AUTS2: variants seen among roughly 807,000 people sequenced by gnomAD.
AUTS2 encodes autism susceptibility gene 2 protein.
A neutral mutation model predicts 112.4 loss-of-function variants in AUTS2; 17 were observed. The ratio of observed to expected loss-of-function variants is 0.15; its 90% CI spans 0.10 to 0.23. AUTS2 has a LOEUF of 0.23. AUTS2 is among the 10% of genes least tolerant of loss of function. The pLI, the probability that AUTS2 is intolerant of heterozygous loss-of-function variation, is 1.00. For synonymous variants in AUTS2, 751 were observed against 702.7 expected (o/e 1.07, Z -1.09); for missense variants, 1,510 against 1,701.6 (o/e 0.89, Z 1.98).
intron 5 of AUTS2, among the ~76,000 whole-genome samples, chr7:70,533,393 C>T (rs937851973): frequency 2.6e-5 from 4 of 152,152 alleles, no homozygotes; most frequent in East Asian, 1.9e-4. Flanking sequence ...GGATTATAGG[C>T]GTGAGGCACC....
intron 2 of AUTS2, among the ~76,000 whole-genome samples, chr7:69,964,201 A>G (rs761085724): frequency 6.6e-6 from 1 of 152,132 alleles, no homozygotes; most frequent in Non-Finnish European, 1.5e-5. Flanking sequence ...TGCTGGAGCC[A>G]GGAAAGCTTG....
At chr7:69,850,476 A>G (rs990625229) in intron 1 of AUTS2, among the ~76,000 whole-genome samples, 3 of 140,182 alleles carry the variant, frequency 2.1e-5, no homozygotes, top group African/African-American at 7.7e-5. Context: ...GTACATTCCC[A>G]GCAGCAGTGT....
At chr7:69,684,939 G>A (rs1796995177) in intron 1 of AUTS2, among the ~76,000 whole-genome samples, 1 of 152,164 alleles carries the variant, frequency 6.6e-6, no homozygotes, top group African/African-American at 2.4e-5. Context: ...GTTAAAATCT[G>A]TATGTTCAGA....
rs138269527 is a variant in AUTS2, at chr7:70,276,326, T to G, written c.660+141755T>G. Among the ~76,000 whole-genome samples, 522 of 152,198 alleles carry G rather than the reference T, an allele frequency of 3.4e-3. 13 individuals are homozygous for G. The East Asian group carries it at 0.053, about 16-fold the overall frequency. On this transcript the variant is annotated intron_variant, in intron 4 of 18. Coordinates refer to ENST00000342771, the MANE Select transcript of AUTS2 (RefSeq NM_015570.4). ...TTTGCACAAATGCGTAAAGTACATGTAGTCTAATTTAAGTAGTTTTTATTT... is the reference window on the plus strand; with the variant it reads ...TTTGCACAAATGCGTAAAGTACATGGAGTCTAATTTAAGTAGTTTTTATTT...
At chr7:70,440,902 T>C (rs1045199765) in intron 5 of AUTS2, among the ~76,000 whole-genome samples, 1 of 152,226 alleles carries the variant, frequency 6.6e-6, no homozygotes, top group Admixed American at 6.5e-5. Context: ...AGCATCTGTA[T>C]TTTTTAAAAA....
intron 4 of AUTS2, among the ~76,000 whole-genome samples, chr7:70,161,890 G>A (rs1808094942): frequency 6.6e-6 from 1 of 152,074 alleles, no homozygotes; most frequent in African/African-American, 2.4e-5. Flanking sequence ...TCCTGTCAAA[G>A]AAAAATACTG....
chr7:69,852,748 C>T (rs1010540836), intron 1 of AUTS2, among the ~76,000 whole-genome samples: 15 of 152,128 alleles, frequency 9.9e-5, no homozygotes, highest in African/African-American at 3.4e-4. Context: ...CCACCGTGCC[C>T]GGCCCCTGCT....
chr7:69,940,787 T>C (rs771666422), intron 2 of AUTS2, among the ~76,000 whole-genome samples: 2 of 151,918 alleles, frequency 1.3e-5, no homozygotes, highest in Non-Finnish European at 2.9e-5. Flanking sequence ...ACCAAGGTAG[T>C]AGAGGTAAGG....
At chr7:70,710,598 G>C (rs1466352230) in intron 6 of AUTS2, among the ~76,000 whole-genome samples, 3 of 152,210 alleles carry the variant, frequency 2.0e-5, no homozygotes, top group African/African-American at 7.2e-5. Flanking sequence ...CAGTCTTCTT[G>C]TGTCTTTGCG....
chr7:69,749,665 C>A (rs2129265340), intron 1 of AUTS2, among the ~76,000 whole-genome samples: 1 of 152,316 alleles, frequency 6.6e-6, no homozygotes, highest in South Asian at 2.1e-4. Context: ...CATATGGCAA[C>A]TTTATTCAAA....
At chr7:69,883,282 CTTTTTTT>C (rs371904658) in intron 1 of AUTS2, among the ~76,000 whole-genome samples, 8 of 137,712 alleles carry the variant, frequency 5.8e-5, no homozygotes, top group Non-Finnish European at 1.3e-4. Context: ...CATAGAGTTC[CTTTTTTT>C]TTTTTTTTTC....
chr7:69,847,325 T>C (rs2129529316), intron 1 of AUTS2, among the ~76,000 whole-genome samples: 1 of 152,350 alleles, frequency 6.6e-6, no homozygotes, highest in Admixed American at 6.5e-5. Flanking sequence ...GCATTCTGCC[T>C]TTGAGGAGTT....
At chr7:70,769,664 G>A (rs958957270) in intron 10 of AUTS2, among the ~76,000 whole-genome samples, 4 of 152,130 alleles carry the variant, frequency 2.6e-5, no homozygotes, top group African/African-American at 4.8e-5. Context: ...CTGCCTGGGC[G>A]ACTGAGCAAG....
chr7:70,255,428 C>G (rs1786816598), intron 4 of AUTS2, among the ~76,000 whole-genome samples: 1 of 149,890 alleles, frequency 6.7e-6, no homozygotes, highest in African/African-American at 2.4e-5. Context: ...ATACTAATTG[C>G]AAAAAAAAAT....
At chr7:70,167,686 A>AAAGCATTG (rs1248525772) in intron 4 of AUTS2, among the ~76,000 whole-genome samples, 3 of 152,196 alleles carry the variant, frequency 2.0e-5, no homozygotes, top group Non-Finnish European at 2.9e-5. Context: ...AATAAGTGTA[A>AAAGCATTG]AAGCATTGAA....
chr7:70,637,792 A>C (rs1050098194), intron 5 of AUTS2, among the ~76,000 whole-genome samples: 2 of 152,122 alleles, frequency 1.3e-5, no homozygotes, highest in Admixed American at 6.5e-5. Flanking sequence ...TTTTGGGTAA[A>C]TAGGCAGATT....
intron 1 of AUTS2, among the ~76,000 whole-genome samples, chr7:69,898,367 T>G (rs1446702510): frequency 6.6e-6 from 1 of 152,234 alleles, no homozygotes; most frequent in Non-Finnish European, 1.5e-5. Flanking sequence ...GCATCATTTC[T>G]CACAGGGCAG....
intron 4 of AUTS2, among the ~76,000 whole-genome samples, chr7:70,309,549 T>C (rs1789641929): frequency 6.6e-6 from 1 of 152,248 alleles, no homozygotes; most frequent in African/African-American, 2.4e-5. Flanking sequence ...TGATTATTGT[T>C]CAAATACTCC....
At chr7:70,705,547 A>T (rs982361136) in intron 6 of AUTS2, among the ~76,000 whole-genome samples, 1 of 152,206 alleles carries the variant, frequency 6.6e-6, no homozygotes, top group African/African-American at 2.4e-5. Flanking sequence ...ACAGCTGTCT[A>T]TTGAAGAGCC....
Sources: allele counts gnomAD v4.1 joint callset (sites outside exome capture counted in the v4.1 genomes callset), GRCh38; gene constraint gnomAD v4.1.1; transcripts MANE v1.5; gene names NCBI Gene and HGNC (gene_info 2026-07-23, HGNC 2026-07-21).